Variants in ARHGEF3 observed in about 807,000 individuals in gnomAD.
The protein encoded by ARHGEF3 is 59.8 kDA protein.
Under a neutral mutation model 63.2 loss-of-function variants are expected in ARHGEF3, and 28 were observed. The ratio of observed to expected loss-of-function variants is 0.44; its 90% CI spans 0.33 to 0.61. The LOEUF is 0.61. ARHGEF3 is among the 20% of genes least tolerant of loss of function. The probability of loss-of-function intolerance (pLI) is 0.03; values close to 1 mark genes in which losing one functional copy is unlikely to be tolerated. For missense variants in ARHGEF3, 533 were observed against 659.3 expected (o/e 0.81, Z 2.10); for synonymous variants, 266 against 254.2 (o/e 1.05, Z -0.44).
At chr3:56,976,455 G>A (rs1701130583) in intron 2 of ARHGEF3, among the ~76,000 whole-genome samples, 2 of 152,338 alleles carry the variant, frequency 1.3e-5, no homozygotes, top group East Asian at 1.9e-4. Flanking sequence ...CTTGCCCTGG[G>A]AGGAGCAGAA....
At chr3:56,929,241 A>G (rs1372287631) in intron 3 of ARHGEF3, among the ~76,000 whole-genome samples, 1 of 152,188 alleles carries the variant, frequency 6.6e-6, no homozygotes, top group Non-Finnish European at 1.5e-5. Context: ...AAGGATTTGC[A>G]CTAATTATTT....
intron 1 of ARHGEF3, among the ~76,000 whole-genome samples, chr3:56,786,677 T>A (rs2036834894): frequency 6.6e-6 from 1 of 152,112 alleles, no homozygotes; most frequent in Non-Finnish European, 1.5e-5. Context: ...TGCAACCAGA[T>A]GTATCATTAT....
At chr3:56,872,426 T>C (rs1476891677) in intron 4 of ARHGEF3, among the ~76,000 whole-genome samples, 1 of 152,234 alleles carries the variant, frequency 6.6e-6, no homozygotes. Context: ...TACAAGTCTA[T>C]ATAATTCGGA....
intron 2 of ARHGEF3, among the ~76,000 whole-genome samples, chr3:56,990,247 G>A (rs1476854569): frequency 6.6e-6 from 1 of 152,208 alleles, no homozygotes; most frequent in Non-Finnish European, 1.5e-5. Flanking sequence ...CAAATGGAAG[G>A]AGAACTTTAG....
intron 3 of ARHGEF3, among the ~76,000 whole-genome samples, chr3:56,947,542 TA>T (rs1425120037): frequency 6.6e-6 from 1 of 152,182 alleles, no homozygotes; most frequent in Non-Finnish European, 1.5e-5. Flanking sequence ...GGCCATTACA[TA>T]ATGGTAAAGA....
At chr3:57,023,890 T>G (rs1560142420) in intron 2 of ARHGEF3, among the ~76,000 whole-genome samples, 1 of 152,238 alleles carries the variant, frequency 6.6e-6, no homozygotes, top group Non-Finnish European at 1.5e-5. Context: ...GCTCCTGTAC[T>G]ATAAGATTCA....
At chr3:57,053,048 A>G (rs930321757) in intron 1 of ARHGEF3, among the ~76,000 whole-genome samples, 1 of 152,088 alleles carries the variant, frequency 6.6e-6, no homozygotes, top group African/African-American at 2.4e-5. Flanking sequence ...CACCCTACCC[A>G]CCACCACCAT....
chr3:56,881,194 G>A (rs2040752490), intron 4 of ARHGEF3, among the ~76,000 whole-genome samples: 1 of 152,122 alleles, frequency 6.6e-6, no homozygotes, highest in African/African-American at 2.4e-5. Flanking sequence ...TCAGAGAAAG[G>A]AAGTGACTCG....
rs138506988 is a variant in ARHGEF3, at chr3:56,790,655, G to T, written c.96+11048C>A. 3.0e-4 allele frequency among the ~76,000 whole-genome samples: 46 copies of T among 152,266 alleles called. 1 individual carries two copies. The East Asian group carries it at 8.9e-3, about 29-fold the overall frequency. On this transcript the variant is annotated intron_variant, in intron 1 of 9. Transcript: ENST00000296315. ...ATTTGCCTGGGGTCGTTCTTGAAAT[G>T]CCTGCGTGACTTGCGATTATGAAAT...
At position 56,784,216 on chromosome 3, in the gene ARHGEF3, G is replaced by A. The variant is rs111604745; in HGVS notation, c.97-10400C>T. On this transcript the variant is annotated intron_variant, in intron 1 of 9. Transcript: ENST00000296315. ...TTCAACCTCCTTAAAAATTAGGAGA[G>A]TTGCCAGCAGCATCAAGTCTCTGTG... Among the ~76,000 whole-genome samples the A allele has an allele frequency of 9.8e-3, 1,486 of 152,336 alleles. 34 individuals are homozygous for A. Among genetic ancestry groups the A allele is most frequent in the African/African-American group, 0.034 (1,399 of 41,570 alleles).
At chr3:56,934,290 G>A (rs575612789) in intron 3 of ARHGEF3, among the ~76,000 whole-genome samples, 10 of 152,356 alleles carry the variant, frequency 6.6e-5, no homozygotes, top group African/African-American at 1.7e-4. Flanking sequence ...TTACTGAGAC[G>A]TGACAGCGTG....
chr3:57,052,614 C>T (rs1267896884), intron 1 of ARHGEF3, among the ~76,000 whole-genome samples: 2 of 152,092 alleles, frequency 1.3e-5, no homozygotes, highest in Non-Finnish European at 2.9e-5. Flanking sequence ...ACATTCTTAA[C>T]CCTTACACTT....
chr3:57,050,044 C>T (rs1335995852), intron 1 of ARHGEF3, among the ~76,000 whole-genome samples: 7 of 152,140 alleles, frequency 4.6e-5, no homozygotes, highest in African/African-American at 1.4e-4. Context: ...CCTTATCCAC[C>T]CAGATTTTGA....
intron 2 of ARHGEF3, among the ~76,000 whole-genome samples, chr3:56,963,485 A>C (rs1700363430): frequency 6.6e-6 from 1 of 152,208 alleles, no homozygotes; most frequent in Non-Finnish European, 1.5e-5. Flanking sequence ...CCATGAAAAG[A>C]GACTTCTCTT....
intron 6 of ARHGEF3, among the ~76,000 whole-genome samples, chr3:56,750,048 T>C (rs187788591): frequency 2.0e-4 from 30 of 152,344 alleles, no homozygotes; most frequent in Non-Finnish European, 3.4e-4. Context: ...AACAGTGAAA[T>C]AATCTCTAAT....
chr3:57,062,611 T>C (rs368023777), intron 1 of ARHGEF3, among the ~76,000 whole-genome samples: 2 of 152,164 alleles, frequency 1.3e-5, no homozygotes, highest in Admixed American at 6.5e-5. Context: ...AAAGCTGCTC[T>C]AGCCACTCAG....
chr3:56,893,811 C>CAAAAAAAAAAAAAAAAAA (rs537483698), intron 3 of ARHGEF3, among the ~76,000 whole-genome samples: 2 of 79,542 alleles, frequency 2.5e-5, no homozygotes, highest in African/African-American at 3.8e-5. Flanking sequence ...GACTCTGTCT[C>CAAAAAAAAAAAAAAAAAA]AAAAAAAAAA....
At chr3:56,865,439 T>C (rs1256683022) in intron 4 of ARHGEF3, among the ~76,000 whole-genome samples, 1 of 152,208 alleles carries the variant, frequency 6.6e-6, no homozygotes, top group Non-Finnish European at 1.5e-5. Context: ...CAAAACCACA[T>C]GAAATATCAA....
chr3:56,727,911 T>C lies in ARHGEF3; in HGVS notation c.*1359A>G, dbSNP rs1272657893. ...AAAATGACATCAATGCATTTACTGCTTTCTTTTCTGTAAACTTGAAAGACA... is the reference window on the plus strand; with the variant it reads ...AAAATGACATCAATGCATTTACTGCCTTCTTTTCTGTAAACTTGAAAGACA... On this transcript the variant is annotated 3_prime_UTR_variant, in exon 10 of 10. Transcript: ENST00000296315. 1.3e-5 allele frequency: 2 copies of C among 152,678 alleles called. No individual in the cohort carries two copies. The highest frequency in any genetic ancestry group is 4.8e-5 in the African/African-American group (2 of 41,464). 9.5% of individuals were successfully genotyped at this position (152,678 alleles called of 1,614,324 possible).
Sources: allele counts gnomAD v4.1 joint callset (sites outside exome capture counted in the v4.1 genomes callset), GRCh38; gene constraint gnomAD v4.1.1; transcripts MANE v1.5; gene names NCBI Gene and HGNC (gene_info 2026-07-23, HGNC 2026-07-21).